Variants in DCDC2B observed in about 807,000 individuals in gnomAD.
DCDC2B encodes the protein doublecortin domain-containing protein 2B.
A neutral mutation model predicts 38.9 loss-of-function variants in DCDC2B; 41 were observed. The ratio of observed to expected loss-of-function variants is 1.05; its 90% confidence interval spans 0.82 to 1.37. DCDC2B has a LOEUF of 1.37. Ranked by LOEUF, DCDC2B falls within the 40% of genes most tolerant of loss-of-function variation. The pLI is 0.00. For missense variants in DCDC2B, 453 were observed against 427.2 expected (o/e 1.06, Z -0.53); for synonymous variants, 181 against 171.9 (o/e 1.05, Z -0.41).
At chr1:32,212,340 C>A in intron 4 of DCDC2B, 139 bp downstream of exon 4, 2 of 1,519,154 alleles carry the variant, frequency 1.3e-6, no homozygotes, top group East Asian at 4.6e-5. Context: ...TGGGAGAGGG[C>A]CCTCTGCCCA....
intron 1 of DCDC2B, among the ~76,000 whole-genome samples, chr1:32,210,507 A>C (rs950282836): frequency 3.3e-5 from 5 of 151,822 alleles, no homozygotes; most frequent in Non-Finnish European, 5.9e-5. Flanking sequence ...CAAAAAGAAA[A>C]AAAAAGAGAA....
rs1383645488 is a variant in DCDC2B, at chr1:32,216,035, G to A, written c.*138G>A. ...CACTGCGGCCTCCTCAGCCCTCCCC[G>A]TTCTCCTGCTCCTAAACCCACAGCC... On this transcript the variant is annotated 3_prime_UTR_variant, in exon 9 of 9. Coordinates refer to ENST00000409358, the MANE Select transcript of DCDC2B (RefSeq NM_001099434.2). 11 of 790,346 alleles carry A rather than the reference G, an allele frequency of 1.4e-5. No individual in the cohort carries two copies. Among genetic ancestry groups the A allele is most frequent in the East Asian group, 1.1e-4 (4 of 37,346 alleles). The allele number at this position is 790,346 out of a possible 1,614,324, so 49.0% of individuals were successfully genotyped here.
intron 6 of DCDC2B, among the ~76,000 whole-genome samples, chr1:32,213,279 A>G (rs1047416802): frequency 6.7e-6 from 1 of 149,326 alleles, no homozygotes; most frequent in African/African-American, 2.5e-5. Flanking sequence ...CAATCCTCCC[A>G]CCTTGGCCTC....
intron 4 of DCDC2B, 62 bp downstream of exon 4, chr1:32,212,263 C>A: frequency 6.3e-7 from 1 of 1,592,384 alleles, no homozygotes; most frequent in Non-Finnish European, 8.6e-7. Flanking sequence ...CTGGCTTCAG[C>A]TGTGGCTGAG....
intron 2 of DCDC2B, 74 bp from the exon 3 acceptor site, chr1:32,211,687 C>G: frequency 1.3e-6 from 2 of 1,499,762 alleles, no homozygotes; most frequent in Non-Finnish European, 1.8e-6. Context: ...CCCCCTCACT[C>G]CACACCTTGG....
Position 32,212,517 on chromosome 1 carries a change from G to C in DCDC2B, c.555G>C (p.Leu185=), listed in dbSNP as rs781075599. ...CKLCTLEGLP[L]SAGKELVTGH... is the part of the protein sequence containing the mutation. Reference sequence around the variant, plus strand: ...TCTGCACCCTAGAGGGGCTCCCACTGTCAGCAGGGAAGGAGCTGGTAACTG... The same window carrying C: ...TCTGCACCCTAGAGGGGCTCCCACTCTCAGCAGGGAAGGAGCTGGTAACTG... Residue 185 remains leucine, a synonymous_variant, in exon 5 of 9, where the codon CTG becomes CTC. Transcript: ENST00000409358. The C allele has an allele frequency of 6.2e-7, 1 of 1,614,046 alleles. No homozygotes were observed. The highest frequency in any genetic ancestry group is 1.1e-5 in the South Asian group (1 of 91,086).
intron 6 of DCDC2B, 77 bp downstream of exon 6, chr1:32,212,870 A>G: frequency 6.7e-7 from 1 of 1,486,080 alleles, no homozygotes; most frequent in Non-Finnish European, 9.3e-7. Context: ...ACAGGCTCTG[A>G]CCTTATTTCA....
At chr1:32,214,683 G>A in intron 6 of DCDC2B, 114 bp from the exon 7 acceptor site, 3 of 1,452,122 alleles carry the variant, frequency 2.1e-6, no homozygotes, top group Non-Finnish European at 9.3e-7. Flanking sequence ...GACAGACGGT[G>A]TCTCCTCTGC....
Position 32,212,488 on chromosome 1 carries a change from A to T in DCDC2B, c.528-2A>T. ...CTTATCCTCCTCACCTCTCTCTCCC[A>T]GACTCTGCACCCTAGAGGGGCTCCC... On this transcript the variant is annotated splice_acceptor_variant, in intron 4 of 8. Transcript: ENST00000409358. LOFTEE classifies it high-confidence loss of function. The T allele has an allele frequency of 5.6e-6, 9 of 1,613,912 alleles. No individual in the cohort carries two copies. Among genetic ancestry groups the T allele is most frequent in the Non-Finnish European group, 7.6e-6 (9 of 1,179,806 alleles).
At chr1:32,211,864 G>C (rs769229873) in intron 3 of DCDC2B, 27 bp downstream of exon 3, 3 of 1,591,686 alleles carry the variant, frequency 1.9e-6, no homozygotes, top group Admixed American at 3.6e-5. Context: ...GGGAGCAGGG[G>C]TGTTGATGTT....
chr1:32,212,535 G>C lies in DCDC2B; in HGVS notation c.573G>C (p.Leu191=). The change falls in exon 5 of 9, where the codon CTG becomes CTC. Residue 191 remains leucine, a synonymous_variant. Coordinates refer to ENST00000409358, the MANE Select transcript of DCDC2B (RefSeq NM_001099434.2). The part of the protein sequence containing the change: ...EGLPLSAGKE[L]VTGHYYVAVG... The stretch of plus-strand genomic sequence containing the variant: ...TCCCACTGTCAGCAGGGAAGGAGCT[G>C]GTAACTGGCCATTACTATGTGGCTG... The C allele has an allele frequency of 1.2e-6, 2 of 1,614,030 alleles. No individual in the cohort carries two copies. The highest frequency in any genetic ancestry group is 2.2e-5 in the East Asian group (1 of 44,884).
Position 32,215,966 on chromosome 1 carries a change from G to C in DCDC2B, c.*69G>C. On this transcript the variant is annotated 3_prime_UTR_variant, in exon 9 of 9. Transcript: ENST00000409358. ...CACCTTTTGTCCTTAGCCTCCAGCAGCTTGTTCCTCAGGAGCCAGCACCTC... is the reference window on the plus strand; with the variant it reads ...CACCTTTTGTCCTTAGCCTCCAGCACCTTGTTCCTCAGGAGCCAGCACCTC... The C allele has an allele frequency of 7.5e-7, 1 of 1,339,470 alleles. No individual in the cohort carries two copies. The highest frequency in any genetic ancestry group is 1.0e-6 in the Non-Finnish European group (1 of 959,302). 83.0% of individuals were successfully genotyped at this position (1,339,470 alleles called of 1,614,324 possible). A position where few individuals can be genotyped will look rare whatever the true frequency, so the allele number is the denominator to read the frequency against.
At position 32,211,941 on chromosome 1, in the gene DCDC2B, G is replaced by A. The variant is rs544670107; in HGVS notation, c.395+104G>A. The stretch of plus-strand genomic sequence containing the variant: ...GGAGCCTCTGGTTACTGTTGGGAAT[G>A]TAGAAGTCCAGCATGCTTGATGGGT... On this transcript the variant is annotated intron_variant, in intron 3 of 8. Coordinates refer to ENST00000409358, the MANE Select transcript of DCDC2B (RefSeq NM_001099434.2). 9 of 1,538,668 alleles carry A rather than the reference G, an allele frequency of 5.8e-6. No homozygotes were observed. The East Asian group carries it at 9.6e-5, about 16-fold the overall frequency.
In DCDC2B at chr1:32,215,793, C is replaced by T. The variant is rs200049017; in HGVS notation, c.955-9C>T. 2.2e-3 allele frequency: 3,404 copies of T among 1,548,152 alleles called. 2 individuals carry two copies. The highest frequency in any genetic ancestry group is 2.8e-3 in the Non-Finnish European group (3,213 of 1,144,748). Reference sequence around the variant, plus strand: ...GGCTCCATTCTGTATGGCCTTCCACCTCCTGCAGAGGGCAGCACAGATAGT... The same window carrying T: ...GGCTCCATTCTGTATGGCCTTCCACTTCCTGCAGAGGGCAGCACAGATAGT... On this transcript the variant is annotated splice_polypyrimidine_tract_variant and intron_variant, in intron 8 of 8. Coordinates refer to ENST00000409358, the MANE Select transcript of DCDC2B (RefSeq NM_001099434.2).
chr1:32,211,657 C>A, intron 2 of DCDC2B, 104 bp from the exon 3 acceptor site: 3 of 1,183,360 alleles, frequency 2.5e-6, no homozygotes, highest in Non-Finnish European at 2.4e-6. Flanking sequence ...CGCCCCCTTC[C>A]TGCCCCAGTC....
At chr1:32,212,369 G>C (rs1197593543) in intron 4 of DCDC2B, 121 bp from the exon 5 acceptor site, 2 of 1,529,052 alleles carry the variant, frequency 1.3e-6, no homozygotes, top group African/African-American at 2.7e-5. Context: ...AGGCAGGGTA[G>C]AGCCTGGGTG....
At chr1:32,212,048 C>T in intron 3 of DCDC2B, 22 bp from the exon 4 acceptor site, 1 of 1,606,044 alleles carries the variant, frequency 6.2e-7, no homozygotes. Flanking sequence ...GACACTCCCC[C>T]TTACCAGGCT....
chr1:32,210,733 A>T (rs568915718), intron 1 of DCDC2B, among the ~76,000 whole-genome samples: 2 of 151,424 alleles, frequency 1.3e-5, no homozygotes, highest in Admixed American at 1.3e-4. Flanking sequence ...TTTTTGAGAC[A>T]GGGTCTTGCT....
rs1488964493 is a variant in DCDC2B, at chr1:32,212,797, G to A, written c.714+4G>A. ...GTCTAGGCCCCACAGGCAGGGGGTA[G>A]GTGACGCAGGGGACAATGAGGGGTG... On this transcript the variant is annotated splice_donor_region_variant and intron_variant, in intron 6 of 8. Coordinates refer to ENST00000409358, the MANE Select transcript of DCDC2B (RefSeq NM_001099434.2). 7 of 1,613,446 alleles carry A rather than the reference G, an allele frequency of 4.3e-6. No individual in the cohort carries two copies. The highest frequency in any genetic ancestry group is 5.9e-6 in the Non-Finnish European group (7 of 1,179,866).
Sources: allele counts gnomAD v4.1 joint callset (sites outside exome capture counted in the v4.1 genomes callset), GRCh38; gene constraint gnomAD v4.1.1; transcripts MANE v1.5; gene names NCBI Gene and HGNC (gene_info 2026-07-23, HGNC 2026-07-21).